PRKAG2: variants seen among roughly 807,000 people sequenced by gnomAD.
PRKAG2 encodes 5'-AMP-activated protein kinase subunit gamma-2.
Under a neutral mutation model 69.6 loss-of-function variants are expected in PRKAG2, and 26 were observed. The observed-to-expected ratio is 0.37, with a 90% CI of 0.27 to 0.52. The LOEUF (loss-of-function observed/expected upper bound fraction) is 0.52. PRKAG2 is among the 20% of genes least tolerant of loss of function. The probability of loss-of-function intolerance (pLI) is 0.90; values close to 1 mark genes in which losing one functional copy is unlikely to be tolerated. For synonymous variants in PRKAG2, 293 were observed against 285.0 expected (o/e 1.03, Z -0.28); for missense variants, 557 against 740.0 (o/e 0.75, Z 2.87).
At chr7:151,757,179 C>G (rs2075146841) in intron 3 of PRKAG2, among the ~76,000 whole-genome samples, 2 of 152,168 alleles carry the variant, frequency 1.3e-5, no homozygotes, top group South Asian at 4.1e-4. Context: ...CTCAGAGGCT[C>G]TAAATTAAAG....
chr7:151,824,128 G>A (rs1358341744), intron 1 of PRKAG2, among the ~76,000 whole-genome samples: 1 of 152,202 alleles, frequency 6.6e-6, no homozygotes, highest in Non-Finnish European at 1.5e-5. Context: ...TTGATTTAAA[G>A]TAAACTGAGA....
chr7:151,715,465 T>C (rs1796035860), intron 3 of PRKAG2, among the ~76,000 whole-genome samples: 1 of 151,786 alleles, frequency 6.6e-6, no homozygotes, highest in Non-Finnish European at 1.5e-5. Context: ...GCAATTCTCC[T>C]GTCTCAGCCT....
chr7:151,864,027 A>C (rs60647737), intron 1 of PRKAG2, among the ~76,000 whole-genome samples: 3 of 152,194 alleles, frequency 2.0e-5, no homozygotes, highest in African/African-American at 7.2e-5. Context: ...GCCTTTCCTG[A>C]GAACTGATAT....
intron 6 of PRKAG2, among the ~76,000 whole-genome samples, chr7:151,580,115 G>A (rs1004685164): frequency 9.9e-5 from 15 of 152,154 alleles, no homozygotes; most frequent in African/African-American, 3.6e-4. Flanking sequence ...AGGCCAAGGT[G>A]GGGGGATCAC....
chr7:151,748,162 C>G (rs1271875925), intron 3 of PRKAG2, among the ~76,000 whole-genome samples: 1 of 152,096 alleles, frequency 6.6e-6, no homozygotes, highest in African/African-American at 2.4e-5. Context: ...CTCAAGTGAT[C>G]CGCCCACCTC....
chr7:151,632,170 T>G lies in PRKAG2; in HGVS notation c.685-32A>C. The G allele has an allele frequency of 3.8e-6, 5 of 1,299,292 alleles. No individual in the cohort carries two copies. The highest frequency in any genetic ancestry group is 4.9e-6 in the Non-Finnish European group (5 of 1,013,136). The allele number at this position is 1,299,292 out of a possible 1,614,324, so 80.5% of individuals were successfully genotyped here. A position where few individuals can be genotyped will look rare whatever the true frequency, so the allele number is the denominator to read the frequency against. ...GGGAGGAGGAGGACAGCGATCAGCA[T>G]GAGCTGCGACGCTCGTCCCCGGCCG... is the stretch of plus-strand genomic sequence containing the variant. On this transcript the variant is annotated intron_variant, in intron 4 of 15. Transcript: ENST00000287878. This position sits in a 1 kb window ranked among gnomAD's most constrained non-coding sequence, Gnocchi z 4.2.
chr7:151,677,700 G>A (rs1438311808), intron 3 of PRKAG2, among the ~76,000 whole-genome samples: 1 of 152,186 alleles, frequency 6.6e-6, no homozygotes, highest in East Asian at 1.9e-4. Context: ...GCCAGCCAGA[G>A]TTTTGGCAAT....
At chr7:151,860,821 G>C (rs1586738891) in intron 1 of PRKAG2, among the ~76,000 whole-genome samples, 1 of 152,232 alleles carries the variant, frequency 6.6e-6, no homozygotes, top group Middle Eastern at 3.4e-3. Context: ...GTCTCCCCTT[G>C]TCTGCCCACC....
chr7:151,660,992 C>T (rs954645901), intron 4 of PRKAG2, among the ~76,000 whole-genome samples: 3 of 152,158 alleles, frequency 2.0e-5, no homozygotes, highest in African/African-American at 7.2e-5. Context: ...GTGGTGTAAC[C>T]AATCTCCAGA....
At position 151,751,750 on chromosome 7, in the gene PRKAG2, C is replaced by G. The variant is rs541111878; in HGVS notation, c.466+29402G>C. On this transcript the variant is annotated intron_variant, in intron 3 of 15. Transcript: ENST00000287878. Reference sequence around the variant, plus strand: ...ACGGTCTTGAACTCCTGAGCTCAAGCAATCCTCCTGCCTCAGACTCCCAAA... The same window carrying G: ...ACGGTCTTGAACTCCTGAGCTCAAGGAATCCTCCTGCCTCAGACTCCCAAA... Among the ~76,000 whole-genome samples the G allele has an allele frequency of 2.6e-5, 4 of 151,110 alleles. No homozygotes were observed. In the East Asian group the frequency reaches 7.9e-4, roughly 30 times the overall value.
chr7:151,564,031 T>C (rs1477721314), intron 14 of PRKAG2, 47 bp downstream of exon 14: 1 of 1,612,574 alleles, frequency 6.2e-7, no homozygotes, highest in African/African-American at 1.3e-5. Flanking sequence ...TACTGGGGAC[T>C]TGTTGCAGTG....
intron 1 of PRKAG2, among the ~76,000 whole-genome samples, chr7:151,821,302 T>C (rs928901567): frequency 5.3e-5 from 8 of 152,224 alleles, no homozygotes; most frequent in Non-Finnish European, 1.2e-4. Flanking sequence ...CTAGACACAC[T>C]GTCAAGGCTC....
At chr7:151,801,029 T>A (rs910784619) in intron 1 of PRKAG2, among the ~76,000 whole-genome samples, 2 of 152,266 alleles carry the variant, frequency 1.3e-5, no homozygotes, top group South Asian at 2.1e-4. Context: ...ACTAAATTTT[T>A]AAAAAGCAAT....
chr7:151,592,295 T>G (rs989906147), intron 6 of PRKAG2, among the ~76,000 whole-genome samples: 1 of 152,216 alleles, frequency 6.6e-6, no homozygotes, highest in Non-Finnish European at 1.5e-5. Flanking sequence ...CAGGCAGACC[T>G]CCCAGTTGGA....
chr7:151,654,042 A>G (rs1162965858), intron 4 of PRKAG2, among the ~76,000 whole-genome samples: 2 of 152,182 alleles, frequency 1.3e-5, no homozygotes, highest in African/African-American at 4.8e-5. Flanking sequence ...GATGTTTTAA[A>G]TCATGGTGTT....
intron 3 of PRKAG2, among the ~76,000 whole-genome samples, chr7:151,722,504 CA>C (rs1413405554): frequency 3.3e-5 from 5 of 152,158 alleles, no homozygotes. Context: ...GCTCCCTCCC[CA>C]GGGGTCTCCT....
intron 15 of PRKAG2, chr7:151,560,018 A>C (rs1804552555): frequency 2.0e-6 from 2 of 985,450 alleles, no homozygotes; most frequent in Non-Finnish European, 2.4e-6. Flanking sequence ...AATCTGTCAA[A>C]AAATGAGTTT....
intron 6 of PRKAG2, among the ~76,000 whole-genome samples, chr7:151,580,334 G>C (rs752285081): frequency 1.3e-5 from 2 of 152,102 alleles, no homozygotes. Flanking sequence ...GTGACAGAGT[G>C]AGACTCCATC....
At chr7:151,681,116 T>C (rs73728249) in intron 3 of PRKAG2, among the ~76,000 whole-genome samples, 337 of 152,284 alleles carry the variant, frequency 2.2e-3, no homozygotes, top group African/African-American at 7.9e-3. Context: ...CCTGTCCCCT[T>C]GCAGGCCACC....
Sources: allele counts gnomAD v4.1 joint callset (sites outside exome capture counted in the v4.1 genomes callset), GRCh38; gene constraint gnomAD v4.1.1; non-coding constraint Gnocchi (gnomAD v3.1); transcripts MANE v1.5; gene names NCBI Gene and HGNC (gene_info 2026-07-23, HGNC 2026-07-21).